The following DLG1 variants were observed in gnomAD, a reference collection of about 807,000 sequenced individuals.
DLG1 encodes the protein disks large homolog 1.
In DLG1, 42 loss-of-function variants were observed where a neutral mutation model predicts 123.4. The observed-to-expected ratio is 0.34, with a 90% confidence interval of 0.27 to 0.44. The LOEUF is 0.44. DLG1 is among the 20% of genes least tolerant of loss of function. The pLI is 1.00. For synonymous variants in DLG1, 317 were observed against 356.2 expected (o/e 0.89, Z 1.24); for missense variants, 942 against 1,082.6 (o/e 0.87, Z 1.82).
At chr3:197,197,901 T>C (rs1723390007) in intron 4 of DLG1, among the ~76,000 whole-genome samples, 1 of 152,220 alleles carries the variant, frequency 6.6e-6, no homozygotes, top group African/African-American at 2.4e-5. Context: ...GAATAGTTTT[T>C]TTTAACAAAT....
chr3:197,191,711 G>A (rs1036654945), intron 5 of DLG1, among the ~76,000 whole-genome samples: 3 of 152,180 alleles, frequency 2.0e-5, no homozygotes, highest in South Asian at 2.1e-4. Context: ...GGCTTTACCC[G>A]TGCTGAGGTT....
intron 24 of DLG1, among the ~76,000 whole-genome samples, chr3:197,048,508 A>G (rs1724969109): frequency 6.6e-6 from 1 of 152,094 alleles, no homozygotes; most frequent in Non-Finnish European, 1.5e-5. Context: ...ATCACCTTAG[A>G]CCTGTGTGGA....
At chr3:197,061,511 AAT>A (rs1735797343) in intron 22 of DLG1, among the ~76,000 whole-genome samples, 1 of 152,242 alleles carries the variant, frequency 6.6e-6, no homozygotes, top group Non-Finnish European at 1.5e-5. Flanking sequence ...TCAAGGATCG[AAT>A]TCAGGATCAT....
At chr3:197,045,103 G>GATA (rs990339113) in intron 24 of DLG1, among the ~76,000 whole-genome samples, 4 of 151,536 alleles carry the variant, frequency 2.6e-5, no homozygotes, top group African/African-American at 7.3e-5. Flanking sequence ...ATGATGTAAG[G>GATA]ATAATTTTTT....
intron 14 of DLG1, among the ~76,000 whole-genome samples, chr3:197,096,804 ATGTC>A (rs1317964456): frequency 6.6e-6 from 1 of 152,180 alleles, no homozygotes; most frequent in Non-Finnish European, 1.5e-5. Context: ...CATAAACTAT[ATGTC>A]TTTCTGGTAC....
intron 4 of DLG1, among the ~76,000 whole-genome samples, chr3:197,218,088 G>C (rs1217267845): frequency 6.6e-6 from 1 of 152,022 alleles, no homozygotes; most frequent in Non-Finnish European, 1.5e-5. Flanking sequence ...AAAAAGAACA[G>C]CAATGTAAGA....
At chr3:197,167,703 A>G (rs550146281) in intron 5 of DLG1, among the ~76,000 whole-genome samples, 1 of 152,336 alleles carries the variant, frequency 6.6e-6, no homozygotes, top group African/African-American at 2.4e-5. Context: ...TTACTGAGGT[A>G]GAAGTGATAT....
At chr3:197,297,819 T>G (rs1331688403) in intron 1 of DLG1, 2 of 985,164 alleles carry the variant, frequency 2.0e-6, no homozygotes, top group East Asian at 2.3e-4. Flanking sequence ...GTGAGCGGCG[T>G]GCGCTCGGAA....
intron 4 of DLG1, among the ~76,000 whole-genome samples, chr3:197,235,279 G>A (rs1745364947): frequency 6.6e-6 from 1 of 152,182 alleles, no homozygotes; most frequent in African/African-American, 2.4e-5. Flanking sequence ...GGAAGCACTG[G>A]AATGTGCAAG....
chr3:197,057,596 AC>A (rs1456520428), intron 23 of DLG1, among the ~76,000 whole-genome samples: 2 of 152,192 alleles, frequency 1.3e-5, no homozygotes, highest in African/African-American at 2.4e-5. Flanking sequence ...CAGTTGTTCC[AC>A]ATCTTTGCCA....
chr3:197,130,300 G>A (rs1553939751), intron 11 of DLG1, among the ~76,000 whole-genome samples: 9 of 152,016 alleles, frequency 5.9e-5, no homozygotes, highest in Non-Finnish European at 7.4e-5. Flanking sequence ...TCCTTTAAAT[G>A]TAACTACTAC....
chr3:197,116,048 G>A lies in DLG1; in HGVS notation c.1322C>T (p.Thr441Met), dbSNP rs200331171. 3.1e-6 allele frequency: 5 copies of A among 1,607,784 alleles called. No homozygotes were observed. The highest frequency in any genetic ancestry group is 2.2e-5 in the South Asian group (2 of 89,124). Residue 441 changes from threonine to methionine, a missense_variant, in exon 13 of 25, where the codon ACG (threonine) becomes ATG (methionine). Thr to Met is a moderately conservative substitution (Grantham distance 81). Transcript: ENST00000667157. ...TCCTACAATGTTGAAACCAAGGCCCGTTGAGCCACGATGAAGAACAACTTT... is the reference window on the plus strand; with the variant it reads ...TCCTACAATGTTGAAACCAAGGCCCATTGAGCCACGATGAAGAACAACTTT... ...PRKVVLHRGSTGLGFNIVGGE... is the reference protein window; with the variant it reads ...PRKVVLHRGSMGLGFNIVGGE...
chr3:197,294,174 C>T (rs187031002), intron 3 of DLG1, among the ~76,000 whole-genome samples: 2 of 152,096 alleles, frequency 1.3e-5, no homozygotes, highest in Non-Finnish European at 2.9e-5. Context: ...TGGAAACACA[C>T]AGAACCTCTA....
intron 13 of DLG1, among the ~76,000 whole-genome samples, chr3:197,109,398 A>G (rs1332610545): frequency 1.3e-5 from 2 of 152,222 alleles, no homozygotes; most frequent in African/African-American, 4.8e-5. Context: ...CAAACATTTT[A>G]TAAGAACCTA....
At chr3:197,090,581 G>C (rs187091879) in intron 15 of DLG1, among the ~76,000 whole-genome samples, 1 of 151,950 alleles carries the variant, frequency 6.6e-6, no homozygotes, top group Non-Finnish European at 1.5e-5. Context: ...AAAGGACAGA[G>C]GTTAAATCTA....
chr3:197,082,640 T>C (rs947022662), intron 16 of DLG1, among the ~76,000 whole-genome samples: 2 of 152,194 alleles, frequency 1.3e-5, no homozygotes, highest in African/African-American at 4.8e-5. Context: ...CCTATGTTAT[T>C]TTAGAAGAGG....
At chr3:197,110,021 A>G (rs1033999861) in intron 13 of DLG1, among the ~76,000 whole-genome samples, 4 of 152,120 alleles carry the variant, frequency 2.6e-5, no homozygotes, top group African/African-American at 9.7e-5. Context: ...TCTTGGATTA[A>G]TGGTTTTAAT....
intron 5 of DLG1, chr3:197,161,728 G>T: frequency 6.4e-7 from 1 of 1,566,388 alleles, no homozygotes; most frequent in South Asian, 1.2e-5. Context: ...GGGAAGAACA[G>T]CTTCTGTTGG....
Position 197,082,870 on chromosome 3 carries a change from G to GA in DLG1, c.1839-1754dup, listed in dbSNP as rs201169923. ...ATCTTATAGAATTTTTGTACAAAAT[G>GA]AAAAAAAAATCTCTCCAGTGAAGCC... On this transcript the variant is annotated intron_variant, in intron 16 of 24. Coordinates refer to ENST00000667157, the MANE Select transcript of DLG1 (RefSeq NM_001366207.1). Among the ~76,000 whole-genome samples the GA allele has an allele frequency of 6.6e-3, 993 of 150,978 alleles. 4 individuals carry two copies. Among genetic ancestry groups the GA allele is most frequent in the South Asian group, 0.022 (105 of 4,764 alleles).
Sources: allele counts gnomAD v4.1 joint callset (sites outside exome capture counted in the v4.1 genomes callset), GRCh38; gene constraint gnomAD v4.1.1; transcripts MANE v1.5; gene names NCBI Gene and HGNC (gene_info 2026-07-23, HGNC 2026-07-21).